The following AZIN2 variants were observed in gnomAD, a reference collection of about 807,000 sequenced individuals.
The protein encoded by AZIN2 is antizyme inhibitor 2.
Under a neutral mutation model 47.8 loss-of-function variants are expected in AZIN2, and 28 were observed. That is an observed-to-expected ratio of 0.59 (90% CI 0.43 to 0.80). AZIN2 has a LOEUF of 0.80. Ranked by LOEUF, AZIN2 falls within the 30% of genes least tolerant of loss-of-function variation. The pLI is 0.00. For synonymous variants in AZIN2, 221 were observed against 239.4 expected (o/e 0.92, Z 0.71); for missense variants, 535 against 582.5 (o/e 0.92, Z 0.84).
At chr1:33,137,889 C>T in the AZIN2 span, among the ~76,000 whole-genome samples, 15 of 152,292 alleles carry the variant, frequency 9.8e-5, no homozygotes, top group African/African-American at 3.4e-4. Flanking sequence ...CAGGACCACC[C>T]AGGCCCCCAC....
chr1:33,149,841 A>C, the AZIN2 span, among the ~76,000 whole-genome samples: 2 of 152,098 alleles, frequency 1.3e-5, no homozygotes, highest in Non-Finnish European at 2.9e-5. Flanking sequence ...CCCCATTTGC[A>C]CCAAGAGGGC....
chr1:33,099,902 AG>A (rs1394358076), intron 10 of AZIN2, among the ~76,000 whole-genome samples: 1 of 152,234 alleles, frequency 6.6e-6, no homozygotes, highest in African/African-American at 2.4e-5. Context: ...AGAGGGATTC[AG>A]CCTGGCTGGG....
At chr1:33,108,990 CA>C (rs1365225193) in intron 10 of AZIN2, among the ~76,000 whole-genome samples, 1 of 152,216 alleles carries the variant, frequency 6.6e-6, no homozygotes, top group Non-Finnish European at 1.5e-5. Context: ...TTCCCACCAG[CA>C]ATGAATGGGA....
chr1:33,155,283 G>T, the AZIN2 span, among the ~76,000 whole-genome samples: 1 of 151,892 alleles, frequency 6.6e-6, no homozygotes, highest in East Asian at 2.0e-4. Context: ...TGTTGGCCAG[G>T]CTGGTCTCGA....
intron 5 of AZIN2, among the ~76,000 whole-genome samples, chr1:33,084,793 T>C (rs1023506084): frequency 6.6e-6 from 1 of 152,102 alleles, no homozygotes; most frequent in Non-Finnish European, 1.5e-5. Flanking sequence ...AGAGACAGGA[T>C]TTCAGCATGT....
chr1:33,084,309 G>T (rs1468230496), intron 5 of AZIN2, among the ~76,000 whole-genome samples, 182 bp downstream of exon 5: 1 of 152,218 alleles, frequency 6.6e-6, no homozygotes, highest in African/African-American at 2.4e-5. Context: ...CATGGAATTT[G>T]TCAGCCTTGA....
intron 10 of AZIN2, among the ~76,000 whole-genome samples, chr1:33,109,257 T>G (rs1048139108): frequency 6.6e-6 from 1 of 152,196 alleles, no homozygotes; most frequent in South Asian, 2.1e-4. Flanking sequence ...TAACAGTCCT[T>G]TATCAGATGT....
chr1:33,127,536 G>A (rs371529039), downstream of AZIN2, among the ~76,000 whole-genome samples: 43 of 152,378 alleles, frequency 2.8e-4, no homozygotes, highest in African/African-American at 8.7e-4. Context: ...CGGGACTGAG[G>A]CGGCGTGGGA....
rs773696411 is a variant in AZIN2 at position 33,093,366 on chromosome 1, A to G, written c.537A>G (p.Arg179=). The change falls in exon 7 of 12, where the codon AGA becomes AGG. Residue 179 remains arginine, a synonymous_variant. Transcript: ENST00000294517. Reference sequence around the variant, plus strand: ...TTGGAGTGTCACTGAAATCCTGCAGACACCTGCTTGAAAATGCGAAGAAGC... The same window carrying G: ...TTGGAGTGTCACTGAAATCCTGCAGGCACCTGCTTGAAAATGCGAAGAAGC... ...LKFGVSLKSC[R]HLLENAKKHH... The G allele has an allele frequency of 1.2e-6, 2 of 1,614,094 alleles. No individual in the cohort carries two copies. The highest frequency in any genetic ancestry group is 1.7e-6 in the Non-Finnish European group (2 of 1,179,992).
At chr1:33,119,000 G>A (rs1284827032) in intron 11 of AZIN2, 1 of 152,436 alleles carries the variant, frequency 6.6e-6, no homozygotes, top group Non-Finnish European at 1.5e-5. Flanking sequence ...CCTCTTTTGG[G>A]GTAGGGAGAG....
the AZIN2 span, among the ~76,000 whole-genome samples, chr1:33,136,467 C>T: frequency 6.6e-6 from 1 of 151,804 alleles, no homozygotes; most frequent in East Asian, 2.0e-4. Flanking sequence ...CTCCCAGGCT[C>T]AAGCAATTCT....
At chr1:33,136,488 C>G in the AZIN2 span, among the ~76,000 whole-genome samples, 36 of 151,806 alleles carry the variant, frequency 2.4e-4, no homozygotes, top group Non-Finnish European at 1.0e-4. Flanking sequence ...CATGCCTCAG[C>G]CTACCGAGTA....
chr1:33,129,262 T>C, the AZIN2 span, among the ~76,000 whole-genome samples: 12 of 152,316 alleles, frequency 7.9e-5, no homozygotes, highest in African/African-American at 2.9e-4. The surrounding 1 kb of genome is among the most constrained non-coding windows in gnomAD (Gnocchi z 4.1). Context: ...AAGTTACTTA[T>C]GGGTTGGGGG....
At chr1:33,124,991 G>A (rs148344792), downstream of AZIN2, among the ~76,000 whole-genome samples, 645 of 152,346 alleles carry the variant, frequency 4.2e-3, 2 homozygotes, top group Non-Finnish European at 7.0e-3. The surrounding 1 kb of genome is among the most constrained non-coding windows in gnomAD (Gnocchi z 4.6). Context: ...ACGTGTGCAT[G>A]CATCTTTATA....
At chr1:33,100,371 T>C (rs1281887036) in intron 10 of AZIN2, among the ~76,000 whole-genome samples, 6 of 152,104 alleles carry the variant, frequency 3.9e-5, no homozygotes, top group African/African-American at 1.4e-4. Flanking sequence ...AACATAATCC[T>C]TGGCTCAAGA....
intron 7 of AZIN2, among the ~76,000 whole-genome samples, chr1:33,094,198 C>T (rs1642890778): frequency 6.6e-6 from 1 of 152,188 alleles, no homozygotes; most frequent in South Asian, 2.1e-4. Context: ...TGGGTCTTGT[C>T]CCCGCATTAT....
At chr1:33,136,113 C>CCCTCCCTT in the AZIN2 span, among the ~76,000 whole-genome samples, 2 of 103,512 alleles carry the variant, frequency 1.9e-5, no homozygotes, top group South Asian at 4.0e-4. Flanking sequence ...CAGGGGCCAG[C>CCCTCCCTT]CCTTCCTTCC....
chr1:33,126,104 T>C (rs531510743), downstream of AZIN2, among the ~76,000 whole-genome samples: 1 of 152,374 alleles, frequency 6.6e-6, no homozygotes, highest in Admixed American at 6.5e-5. Context: ...TAACATATTA[T>C]ACATTTCACT....
At chr1:33,143,206 A>C in the AZIN2 span, 1 of 152,204 alleles carries the variant, frequency 6.6e-6, no homozygotes, top group Admixed American at 6.5e-5. Flanking sequence ...CCCCATTTCC[A>C]GGAGTCCCCA....
Sources: allele counts gnomAD v4.1 joint callset (sites outside exome capture counted in the v4.1 genomes callset), GRCh38; gene constraint gnomAD v4.1.1; non-coding constraint Gnocchi (gnomAD v3.1); transcripts MANE v1.5; gene names NCBI Gene and HGNC (gene_info 2026-07-23, HGNC 2026-07-21).